The following SRCAP variants were observed in gnomAD, a reference collection of about 807,000 sequenced individuals.
SRCAP encodes the protein Snf2 related CREBBP activator protein.
A neutral mutation model predicts 263.1 loss-of-function variants in SRCAP; 46 were observed. The ratio of observed to expected loss-of-function variants is 0.17; its 90% CI spans 0.14 to 0.22. The LOEUF (loss-of-function observed/expected upper bound fraction) is 0.22, where lower values mean the gene tolerates loss of function less well. Ranked by LOEUF, SRCAP falls within the 10% of genes least tolerant of loss-of-function variation. The pLI, the probability that SRCAP is intolerant of heterozygous loss-of-function variation, is 1.00. For missense variants in SRCAP, 3,695 were observed against 4,181.9 expected (o/e 0.88, Z 3.21); for synonymous variants, 1,813 against 1,662.1 (o/e 1.09, Z -2.21).
intron 6 of SRCAP, among the ~76,000 whole-genome samples, chr16:30,709,011 G>T (rs1244807079): frequency 6.6e-6 from 1 of 151,988 alleles, no homozygotes; most frequent in East Asian, 1.9e-4. Context: ...AGAGATGGGG[G>T]TTTCACCATG....
Position 30,702,151 on chromosome 16 carries a change from A to G in SRCAP, c.54+1273A>G, listed in dbSNP as rs2052773845. ...GTGTTTTTAGTAGAGATGGGGTTTC[A>G]CCATGTTTGCCAGGATGGTCTTCAT... On this transcript the variant is annotated intron_variant, in intron 3 of 33. Transcript: ENST00000262518. Among the ~76,000 whole-genome samples the G allele has an allele frequency of 4.0e-5, 6 of 151,116 alleles. No homozygotes were observed. The South Asian group carries it at 1.3e-3, about 32-fold the overall frequency.
At chr16:30,716,044 C>T (rs2052945756) in intron 16 of SRCAP, 22 bp from the exon 17 acceptor site, 13 of 1,613,680 alleles carry the variant, frequency 8.1e-6, no homozygotes, top group East Asian at 2.2e-5. Flanking sequence ...CCTGTTTAGC[C>T]TCCAGCTTAA....
chr16:30,736,103 G>T, intron 31 of SRCAP, 97 bp from the exon 32 acceptor site: 1 of 1,443,002 alleles, frequency 6.9e-7, no homozygotes, highest in Non-Finnish European at 9.4e-7. Flanking sequence ...AACCTAGTTT[G>T]GTGTACGCTT....
chr16:30,717,552 T>G (rs1260820265), intron 18 of SRCAP, among the ~76,000 whole-genome samples: 1 of 149,578 alleles, frequency 6.7e-6, no homozygotes, highest in African/African-American at 2.5e-5. Context: ...GCTCAAATAG[T>G]CCTCCCGCCT....
chr16:30,722,696 C>T lies in SRCAP; in HGVS notation c.3840C>T (p.Pro1280=), dbSNP rs1046477618. The T allele has an allele frequency of 2.5e-5, 40 of 1,613,940 alleles. No individual in the cohort carries two copies. Among genetic ancestry groups the T allele is most frequent in the Non-Finnish European group, 3.4e-5 (40 of 1,179,976 alleles). ...TCTCTGTGCTGCCTTCTTCGACCCC[C>T]AGCACCACCCCTGCCCCTACTGGCC... ...TPVSVLPSST[P]STTPAPTGLS... The change falls in exon 23 of 34, where the codon CCC becomes CCT. Residue 1280 remains proline (P), a synonymous_variant. Transcript: ENST00000262518.
At chr16:30,722,849 C>T (rs2053025135) in intron 23 of SRCAP, 101 bp downstream of exon 23, 1 of 1,545,040 alleles carries the variant, frequency 6.5e-7, no homozygotes, top group Non-Finnish European at 8.7e-7. Context: ...GTTGTTTTCC[C>T]TTGCGAATAT....
chr16:30,706,326 C>T (rs952972248), intron 4 of SRCAP, among the ~76,000 whole-genome samples: 3 of 152,074 alleles, frequency 2.0e-5, no homozygotes, highest in African/African-American at 4.8e-5. Flanking sequence ...GGCATGGTTG[C>T]ATGTGCCTAT....
Position 30,707,343 on chromosome 16 carries a change from G to T in SRCAP, c.467G>T (p.Arg156Leu), listed in dbSNP as rs747389016. ...TCTGCTGACTTTGCTCAGGAGCGCC[G>T]TTGGAAACGGGGTGTGGCCCGGAAG... is the stretch of plus-strand genomic sequence containing the variant. ...WLSADFAQERRWKRGVARKVV... is the reference protein window; with the variant it reads ...WLSADFAQERLWKRGVARKVV... The change falls in exon 5 of 34, where the codon CGT (arginine) becomes CTT (leucine). Residue 156 changes from arginine (R) to leucine (L), a missense_variant. This residue lies in a region of SRCAP where 107 missense variants were observed against 223.8 expected (regional missense o/e 0.48). Coordinates refer to ENST00000262518, the MANE Select transcript of SRCAP (RefSeq NM_006662.3). 6.2e-7 allele frequency: 1 copy of T among 1,614,118 alleles called. No individual in the cohort carries two copies. Among genetic ancestry groups the T allele is most frequent in the Non-Finnish European group, 8.5e-7 (1 of 1,180,000 alleles).
intron 23 of SRCAP, 62 bp from the exon 24 acceptor site, chr16:30,722,901 T>A: frequency 1.9e-6 from 3 of 1,559,794 alleles, no homozygotes; most frequent in Non-Finnish European, 2.6e-6. Flanking sequence ...CCTGGACTTC[T>A]TCCATTCTTT....
intron 3 of SRCAP, chr16:30,701,388 T>C (rs1479015784): frequency 2.0e-5 from 3 of 152,450 alleles, no homozygotes; most frequent in African/African-American, 4.8e-5. Context: ...CATGCTAATC[T>C]TTTCTGTATC....
intron 24 of SRCAP, 22 bp from the exon 25 acceptor site, chr16:30,723,562 A>G (rs1188070669): frequency 6.3e-7 from 1 of 1,597,016 alleles, no homozygotes; most frequent in Admixed American, 1.7e-5. Context: ...TTCTGGGGCT[A>G]ACTCATCCTC....
chr16:30,722,005 G>A, intron 21 of SRCAP, 117 bp from the exon 22 acceptor site: 1 of 1,287,608 alleles, frequency 7.8e-7, no homozygotes. Flanking sequence ...GGTAAATTGT[G>A]GGAAGGGCTT....
At chr16:30,722,032 C>T in intron 21 of SRCAP, 90 bp from the exon 22 acceptor site, 5 of 1,482,970 alleles carry the variant, frequency 3.4e-6, no homozygotes, top group South Asian at 2.6e-5. Context: ...TTGAACTGGA[C>T]ACTCGGGGGA....
In SRCAP at chr16:30,739,771, A is replaced by C. The variant is rs368747756; in HGVS notation, c.*38A>C. The C allele has an allele frequency of 1.5e-4, 217 of 1,449,142 alleles. No homozygotes were observed. Among genetic ancestry groups the C allele is most frequent in the Non-Finnish European group, 1.8e-4 (200 of 1,099,032 alleles). 89.8% of individuals were successfully genotyped at this position (1,449,142 alleles called of 1,614,324 possible). A position where few individuals can be genotyped will look rare whatever the true frequency, so the allele number is the denominator to read the frequency against. ...TCCACCTAGGCTTTCCACCGTGGCC[A>C]CTCCCTCCATGACCAGGCCTGACTC... On this transcript the variant is annotated 3_prime_UTR_variant, in exon 34 of 34. Transcript: ENST00000262518.
At chr16:30,708,921 C>G (rs1409872881) in intron 6 of SRCAP, among the ~76,000 whole-genome samples, 1 of 151,900 alleles carries the variant, frequency 6.6e-6, no homozygotes, top group Non-Finnish European at 1.5e-5. Context: ...CAGGTTCAAG[C>G]GATTCTCCTG....
intron 18 of SRCAP, among the ~76,000 whole-genome samples, chr16:30,718,712 C>G (rs1024206767): frequency 2.0e-5 from 3 of 152,020 alleles, no homozygotes; most frequent in Non-Finnish European, 2.9e-5. Flanking sequence ...CTCAGATAAT[C>G]TGCCTGCCTT....
chr16:30,711,058 G>A lies in SRCAP; in HGVS notation c.1288G>A (p.Ala430Thr). The change falls in exon 10 of 34, where the codon GCC becomes ACC. Residue 430 changes from alanine to threonine, a missense_variant. Physicochemically the swap from Ala to Thr is moderately conservative, Grantham distance 58 (BLOSUM62 0). This residue lies in a region of SRCAP where 288 missense variants were observed against 302.4 expected (regional missense o/e 0.95). Coordinates refer to ENST00000262518, the MANE Select transcript of SRCAP (RefSeq NM_006662.3). ...EEQLEGEVDH[A>T]MELSELAREG... ...ACAGTTGGAAGGGGAGGTGGATCAT[G>A]CCATGGAGCTGAGCGAGTTGGCTCG... 1.2e-6 allele frequency: 2 copies of A among 1,614,040 alleles called. No individual in the cohort carries two copies. The highest frequency in any genetic ancestry group is 1.7e-6 in the Non-Finnish European group (2 of 1,179,974).
In SRCAP at chr16:30,720,708, C is replaced by T; in HGVS notation, c.2988-5C>T. The T allele has an allele frequency of 6.3e-7, 1 of 1,581,762 alleles. No individual in the cohort carries two copies. The highest frequency in any genetic ancestry group is 2.2e-5 in the East Asian group (1 of 44,458). ...CCTACCCACTCTCTTAATTTTTTCTCACAGGATGCTGCAGCCAGTACCTAA... is the reference window on the plus strand; with the variant it reads ...CCTACCCACTCTCTTAATTTTTTCTTACAGGATGCTGCAGCCAGTACCTAA... On this transcript the variant is annotated splice_region_variant and splice_polypyrimidine_tract_variant and intron_variant, in intron 19 of 33. Transcript: ENST00000262518.
intron 27 of SRCAP, among the ~76,000 whole-genome samples, chr16:30,730,897 T>A (rs2053108670): frequency 6.6e-6 from 1 of 152,166 alleles, no homozygotes; most frequent in Non-Finnish European, 1.5e-5. Context: ...CTCGAACTCC[T>A]GACCTCGTGA....
Sources: allele counts gnomAD v4.1 joint callset (sites outside exome capture counted in the v4.1 genomes callset), GRCh38; gene constraint gnomAD v4.1.1; regional missense constraint gnomAD v4.1.1; transcripts MANE v1.5; gene names NCBI Gene and HGNC (gene_info 2026-07-23, HGNC 2026-07-21).